Variants in GLIS3 observed in about 807,000 individuals in gnomAD.
GLIS3 encodes the protein GLIS family zinc finger 3, also known as zinc finger protein GLIS3.
GLIS3 carries 53 observed loss-of-function variants against 78.6 expected under a neutral mutation model. The observed-to-expected ratio is 0.67, with a 90% confidence interval of 0.54 to 0.85. GLIS3 has a LOEUF of 0.85. Ranked by LOEUF, GLIS3 falls within the 40% of genes least tolerant of loss-of-function variation. GLIS3 has a pLI of 0.00. For missense variants in GLIS3, 1,703 were observed against 1,231.1 expected, an observed-to-expected ratio of 1.38 and a Z score of -5.74; for synonymous variants, 684 against 509.9, an observed-to-expected ratio of 1.34 and a Z score of -4.60.
At chr9:4,357,159 C>T in the GLIS3 span, among the ~76,000 whole-genome samples, 1 of 152,130 alleles carries the variant, frequency 6.6e-6, no homozygotes, top group Admixed American at 6.5e-5. Context: ...ACCCTGTGAT[C>T]TTTAATTTTG....
At chr9:4,209,342 G>C (rs1820173611) in intron 2 of GLIS3, among the ~76,000 whole-genome samples, 1 of 152,146 alleles carries the variant, frequency 6.6e-6, no homozygotes, top group African/African-American at 2.4e-5. Flanking sequence ...TAGGGTATCT[G>C]GGTTTCTCAT....
chr9:4,002,980 G>T (rs145335966), intron 4 of GLIS3, among the ~76,000 whole-genome samples: 1 of 152,318 alleles, frequency 6.6e-6, no homozygotes, highest in East Asian at 1.9e-4. Flanking sequence ...CATACTTCTG[G>T]AAACATCCGG....
upstream of GLIS3, among the ~76,000 whole-genome samples, chr9:4,352,178 TAC>T (rs1817979950): frequency 2.0e-5 from 3 of 152,194 alleles, no homozygotes; most frequent in Non-Finnish European, 2.9e-5. Flanking sequence ...CATAAAAAAA[TAC>T]AGTCATTGTA....
Position 3,937,867 on chromosome 9 carries a change from G to A in GLIS3, c.1711-678C>T, listed in dbSNP as rs147185903. Among the ~76,000 whole-genome samples the A allele has an allele frequency of 1.3e-3, 195 of 152,214 alleles. 2 individuals carry two copies. Among genetic ancestry groups the A allele is most frequent in the African/African-American group, 4.5e-3 (185 of 41,538 alleles). ...TGAAATCATTTTCCAAAAAAGTACC[G>A]TAATACTTTAATCTTTTTTTACTTT... On this transcript the variant is annotated intron_variant, in intron 4 of 10. Coordinates refer to ENST00000381971, the MANE Select transcript of GLIS3 (RefSeq NM_001042413.2).
At chr9:4,339,127 C>A (rs1334308614) in intron 2 of GLIS3, among the ~76,000 whole-genome samples, 1 of 152,198 alleles carries the variant, frequency 6.6e-6, no homozygotes, top group Non-Finnish European at 1.5e-5. Context: ...AAACTCAACA[C>A]CTCAGTCATG....
intron 4 of GLIS3, among the ~76,000 whole-genome samples, chr9:4,055,667 TG>T (rs1319091961): frequency 6.6e-6 from 1 of 152,220 alleles, no homozygotes; most frequent in Non-Finnish European, 1.5e-5. Context: ...GGAATGATGG[TG>T]TTATCACTTT....
chr9:4,119,084 A>C (rs1831987270), intron 3 of GLIS3, among the ~76,000 whole-genome samples: 1 of 152,236 alleles, frequency 6.6e-6, no homozygotes, highest in Non-Finnish European at 1.5e-5. Flanking sequence ...CAAGAAGAAC[A>C]ATAAAACCTA....
chr9:3,829,273 T>C, intron 10 of GLIS3, 37 bp downstream of exon 10: 1 of 1,579,550 alleles, frequency 6.3e-7, no homozygotes, highest in East Asian at 2.2e-5. Flanking sequence ...CTCCTGTCAG[T>C]TGACAGGATT....
chr9:4,260,032 G>C (rs893700142), intron 2 of GLIS3, among the ~76,000 whole-genome samples: 2 of 152,150 alleles, frequency 1.3e-5, no homozygotes, highest in Admixed American at 1.3e-4. Flanking sequence ...AGGGAGAAAG[G>C]AAAGAGAATT....
the GLIS3 span, among the ~76,000 whole-genome samples, chr9:4,358,500 TAAAC>T: frequency 6.6e-6 from 1 of 152,204 alleles, no homozygotes; most frequent in East Asian, 1.9e-4. Context: ...AGTGGTGAAT[TAAAC>T]AAGCATTTTT....
At chr9:4,316,445 A>G (rs1018573035) in intron 2 of GLIS3, among the ~76,000 whole-genome samples, 1 of 152,242 alleles carries the variant, frequency 6.6e-6, no homozygotes, top group Non-Finnish European at 1.5e-5. Flanking sequence ...GTCCTTAAAT[A>G]TCATCATTTC....
intron 4 of GLIS3, among the ~76,000 whole-genome samples, chr9:4,062,521 T>C (rs936535184): frequency 5.9e-5 from 9 of 152,224 alleles, no homozygotes; most frequent in African/African-American, 9.6e-5. Flanking sequence ...ATTTGCTGTA[T>C]GATCTAGGTT....
chr9:4,165,522 T>C (rs552592879), intron 2 of GLIS3, among the ~76,000 whole-genome samples: 1 of 152,350 alleles, frequency 6.6e-6, no homozygotes, highest in Admixed American at 6.5e-5. Flanking sequence ...TACAGATAAA[T>C]GCTTATGAAA....
chr9:4,069,048 T>C (rs188859872), intron 4 of GLIS3, among the ~76,000 whole-genome samples: 6 of 152,244 alleles, frequency 3.9e-5, no homozygotes, highest in Non-Finnish European at 8.8e-5. Flanking sequence ...ATAGAGTTAG[T>C]TCCAATAAAT....
chr9:4,223,935 CAAAT>C (rs1463566187), intron 2 of GLIS3, among the ~76,000 whole-genome samples: 9 of 150,298 alleles, frequency 6.0e-5, no homozygotes, highest in Admixed American at 3.3e-4. Context: ...ACAAAACAAA[CAAAT>C]AAACAATACG....
intron 2 of GLIS3, among the ~76,000 whole-genome samples, chr9:4,337,466 G>T (rs376418462): frequency 6.6e-6 from 1 of 152,068 alleles, no homozygotes; most frequent in African/African-American, 2.4e-5. Flanking sequence ...TCATACTTTT[G>T]ATTTAAACGA....
chr9:4,430,068 A>G, the GLIS3 span, among the ~76,000 whole-genome samples: 2 of 151,922 alleles, frequency 1.3e-5, no homozygotes, highest in East Asian at 3.9e-4. Flanking sequence ...CTTTGAGGCA[A>G]GCAGAGGAGA....
At chr9:4,096,053 T>C (rs1227714746) in intron 4 of GLIS3, among the ~76,000 whole-genome samples, 3 of 140,832 alleles carry the variant, frequency 2.1e-5, no homozygotes, top group Admixed American at 7.0e-5. Flanking sequence ...TTTGTCACAA[T>C]AGAAACACAT....
chr9:4,140,839 C>A (rs1372247970), intron 2 of GLIS3, among the ~76,000 whole-genome samples: 2 of 146,652 alleles, frequency 1.4e-5, no homozygotes, highest in Admixed American at 1.4e-4. Context: ...GCTCTTATTG[C>A]CCAGATTGGA....
Sources: gnomAD v4.1 joint callset for allele counts (sites outside exome capture counted in the v4.1 genomes callset) on GRCh38, gnomAD v4.1.1 for gene constraint, MANE v1.5 for transcripts, NCBI Gene and HGNC (gene_info 2026-07-23, HGNC 2026-07-21) for gene names.